POLR3K: variants seen among roughly 807,000 people sequenced by gnomAD.
POLR3K encodes DNA-directed RNA polymerase III subunit RPC10.
In POLR3K, 11 loss-of-function variants were observed where a neutral mutation model predicts 13.5. The observed-to-expected ratio is 0.81, with a 90% CI of 0.51 to 1.35. The LOEUF is 1.35. POLR3K is among the 40% of genes most tolerant of loss of function. POLR3K has a pLI of 0.00. For synonymous variants in POLR3K, 56 were observed against 51.5 expected (o/e 1.09, Z -0.38); for missense variants, 144 against 145.3 (o/e 0.99, Z 0.05).
rs111723772 is a variant in POLR3K, at chr16:47,982, G to A, written c.200-425C>T. 5.1e-3 allele frequency among the ~76,000 whole-genome samples: 652 copies of A among 126,942 alleles called. 5 individuals carry two copies. The highest frequency in any genetic ancestry group is 0.018 in the African/African-American group (613 of 33,216). 83.3% of individuals were successfully genotyped at this position (126,942 alleles called of 152,430 possible). On this transcript the variant is annotated intron_variant, in intron 2 of 2. Transcript: ENST00000293860. ...CAGCTCACTGCAACCTCTGCCTCCC[G>A]GGTTCATGTGATTCTCCTTGCCTCA... is the stretch of plus-strand genomic sequence containing the variant.
Position 47,246 on chromosome 16 carries a change from G to T in POLR3K, c.*184C>A. 1 of 620,520 alleles carries T rather than the reference G, an allele frequency of 1.6e-6. No homozygotes were observed. The highest frequency in any genetic ancestry group is 2.5e-6 in the Non-Finnish European group (1 of 399,492). The allele number at this position is 620,520 out of a possible 1,614,324, so 38.4% of individuals were successfully genotyped here. On this transcript the variant is annotated 3_prime_UTR_variant, in exon 3 of 3. Coordinates refer to ENST00000293860, the MANE Select transcript of POLR3K (RefSeq NM_016310.5). The stretch of plus-strand genomic sequence containing the variant: ...CACAGAAAAACTCCCAGACATTCAT[G>T]ACTTCATCCACCCTGCCTGGCAGAT...
intron 2 of POLR3K, among the ~76,000 whole-genome samples, chr16:49,149 A>C (rs1897309345): frequency 6.6e-6 from 1 of 150,832 alleles, no homozygotes; most frequent in African/African-American, 2.4e-5. Context: ...ACTCCATCTC[A>C]AAAAAAAAGC....
At chr16:52,765 C>CAAAAAAAAAAAAAAAA (rs946489081) in intron 1 of POLR3K, among the ~76,000 whole-genome samples, 14 of 33,550 alleles carry the variant, frequency 4.2e-4, no homozygotes, top group Admixed American at 7.9e-4. Context: ...GACTCCGTCT[C>CAAAAAAAAAAAAAAAA]AAAAAAAAAA....
In POLR3K at chr16:50,472, G is replaced by A. The variant is rs80029404; in HGVS notation, c.199+1086C>T. Among the ~76,000 whole-genome samples, 175 of 152,236 alleles carry A rather than the reference G, an allele frequency of 1.1e-3. 4 individuals are homozygous for A. The East Asian group carries it at 0.028, about 25-fold the overall frequency. On this transcript the variant is annotated intron_variant, in intron 2 of 2. Coordinates refer to ENST00000293860, the MANE Select transcript of POLR3K (RefSeq NM_016310.5). ...CTATATTAGAAGCGTGTATTAGTCC[G>A]TTCTCACACTGCTATGAATACCTGA...
At chr16:53,424 G>T (rs559454317) in intron 1 of POLR3K, 52 bp downstream of exon 1, 1 of 1,542,126 alleles carries the variant, frequency 6.5e-7, no homozygotes, top group African/African-American at 1.4e-5. Flanking sequence ...GTCGGAGGAC[G>T]CGGAAGGCCT....
At chr16:48,258 TACAA>T (rs1318223303) in intron 2 of POLR3K, among the ~76,000 whole-genome samples, 2 of 152,004 alleles carry the variant, frequency 1.3e-5, no homozygotes, top group African/African-American at 2.4e-5. Flanking sequence ...AGGGTAGATC[TACAA>T]ACAGTGATGT....
At chr16:52,796 C>T (rs113110494) in intron 1 of POLR3K, among the ~76,000 whole-genome samples, 2 of 19,166 alleles carry the variant, frequency 1.0e-4, no homozygotes, top group East Asian at 3.0e-3. Context: ...AAAAAAAAAA[C>T]AATAAAAAAA....
rs111796410 is a variant in POLR3K, at chr16:50,148, G to A, written c.199+1410C>T. ...AATTTTTTGTATTTTTAGCAGAAAT[G>A]GGGTTTCACCGTGTTAGCCAGGCTG... On this transcript the variant is annotated intron_variant, in intron 2 of 2. Transcript: ENST00000293860. 4.2e-3 allele frequency among the ~76,000 whole-genome samples: 637 copies of A among 152,112 alleles called. 7 individuals are homozygous for A. Among genetic ancestry groups the A allele is most frequent in the African/African-American group, 0.014 (597 of 41,486 alleles).
intron 2 of POLR3K, 59 bp downstream of exon 2, chr16:51,499 G>A: frequency 7.5e-7 from 1 of 1,340,054 alleles, no homozygotes; most frequent in Non-Finnish European, 1.1e-6. Context: ...GCCAAGCAGT[G>A]GCATCAACAG....
chr16:53,318 T>C (rs940063157), intron 1 of POLR3K, 158 bp downstream of exon 1: 11 of 1,347,344 alleles, frequency 8.2e-6, no homozygotes, highest in Middle Eastern at 2.7e-4. Context: ...CTGAGTGTAT[T>C]GGAAAGTAGA....
intron 2 of POLR3K, among the ~76,000 whole-genome samples, chr16:50,873 C>CATTCCTG (rs1449829144): frequency 3.3e-5 from 5 of 152,178 alleles, no homozygotes; most frequent in Non-Finnish European, 7.3e-5. Context: ...GGGGATGCCT[C>CATTCCTG]AGGAAACCTA....
At chr16:52,428 C>A (rs1897342094) in intron 1 of POLR3K, among the ~76,000 whole-genome samples, 1 of 125,456 alleles carries the variant, frequency 8.0e-6, no homozygotes, top group Non-Finnish European at 1.6e-5. Context: ...GCCTGGGAAA[C>A]AGAGCGAGAC....
At position 51,587 on chromosome 16, in the gene POLR3K, G is replaced by T. The variant is rs1318714851; in HGVS notation, c.170C>A (p.Ala57Asp). Residue 57 changes from alanine (A) to aspartate (D), a missense_variant, in exon 2 of 3, where the codon GCT becomes GAT. By Grantham distance (126) the Ala-to-Asp change is moderately radical. Coordinates refer to ENST00000293860, the MANE Select transcript of POLR3K (RefSeq NM_016310.5). ...KEVDDVLGGA[A>D]AWENVDSTAE... is the part of the protein sequence containing the mutation. ...AGTAGAGTCAACATTCTCCCAGGCA[G>T]CTGCTCCACCAAGCACATCATCCAC... 1 of 1,614,092 alleles carries T rather than the reference G, an allele frequency of 6.2e-7. No individual in the cohort carries two copies. Among genetic ancestry groups the T allele is most frequent in the Admixed American group, 1.7e-5 (1 of 60,026 alleles).
chr16:52,765 CAAAAAAAAAAAA>C lies in POLR3K; in HGVS notation c.111+699_111+710del, dbSNP rs946489081. Among the ~76,000 whole-genome samples, 61 of 33,580 alleles carry C rather than the reference CAAAAAAAAAAAA, an allele frequency of 1.8e-3. No homozygotes were observed. The South Asian group carries it at 0.021, about 12-fold the overall frequency. The allele number at this position is 33,580 out of a possible 152,430, so 22.0% of individuals were successfully genotyped here. A position where few individuals can be genotyped will look rare whatever the true frequency, so the allele number is the denominator to read the frequency against. Reference sequence around the variant, plus strand: ...TGGGCGACAGAGCGGGACTCCGTCTCAAAAAAAAAAAAAAAAAAAAAAAAAAAAAACAATAAA... The same window carrying C: ...TGGGCGACAGAGCGGGACTCCGTCTCAAAAAAAAAAAAAAAAAACAATAAA... On this transcript the variant is annotated intron_variant, in intron 1 of 2. Coordinates refer to ENST00000293860, the MANE Select transcript of POLR3K (RefSeq NM_016310.5).
At chr16:52,446 C>CAAAAAAAAAAAAAAAAAA in intron 1 of POLR3K, among the ~76,000 whole-genome samples, 1 of 74,176 alleles carries the variant, frequency 1.3e-5, no homozygotes, top group Non-Finnish European at 2.5e-5. Flanking sequence ...GACTCTGTCT[C>CAAAAAAAAAAAAAAAAAA]AAAAAAAAAA....
intron 1 of POLR3K, among the ~76,000 whole-genome samples, chr16:52,751 G>A (rs1897348852): frequency 8.3e-6 from 1 of 120,506 alleles, no homozygotes; most frequent in African/African-American, 3.1e-5. Context: ...GGGCGACAGA[G>A]CGGGACTCCG....
intron 2 of POLR3K, among the ~76,000 whole-genome samples, chr16:49,414 C>T (rs904864973): frequency 1.2e-4 from 18 of 151,396 alleles, no homozygotes; most frequent in Admixed American, 9.2e-4. Flanking sequence ...CTCTTCAAAG[C>T]GATTTCACTT....
intron 1 of POLR3K, among the ~76,000 whole-genome samples, chr16:52,357 G>C (rs1897341289): frequency 6.7e-6 from 1 of 148,426 alleles, no homozygotes; most frequent in Non-Finnish European, 1.5e-5. Flanking sequence ...CGAGGCAGAA[G>C]AATTGCTTGA....
chr16:47,581 A>C, intron 2 of POLR3K, 24 bp from the exon 3 acceptor site: 1 of 1,607,016 alleles, frequency 6.2e-7, no homozygotes, highest in Non-Finnish European at 8.5e-7. Context: ...AAAAGAAGTG[A>C]CCACATTTAA....
Sources: gnomAD v4.1 joint callset for allele counts (sites outside exome capture counted in the v4.1 genomes callset) on GRCh38, gnomAD v4.1.1 for gene constraint, MANE v1.5 for transcripts, NCBI Gene and HGNC (gene_info 2026-07-23, HGNC 2026-07-21) for gene names.